Variants in FGD5 observed in about 807,000 individuals in gnomAD.
FGD5 encodes FYVE, RhoGEF and PH domain-containing protein 5.
Under a neutral mutation model 133.4 loss-of-function variants are expected in FGD5, and 28 were observed. The ratio of observed to expected loss-of-function variants is 0.21; its 90% CI spans 0.16 to 0.29. FGD5 has a LOEUF of 0.29. FGD5 is among the 10% of genes least tolerant of loss of function. The pLI is 1.00. For synonymous variants in FGD5, 810 were observed against 776.5 expected (o/e 1.04, Z -0.72); for missense variants, 1,858 against 1,895.2 (o/e 0.98, Z 0.36).
At chr3:14,858,478 G>C (rs1366531553) in intron 1 of FGD5, among the ~76,000 whole-genome samples, 2 of 152,096 alleles carry the variant, frequency 1.3e-5, no homozygotes, top group African/African-American at 4.8e-5. Flanking sequence ...TAGTATATTG[G>C]TATGCTCAAG....
At position 14,933,248 on chromosome 3, in the gene FGD5, C is replaced by T. The variant is rs1038240415; in HGVS notation, c.*81C>T. 6.7e-7 allele frequency: 1 copy of T among 1,487,744 alleles called. No individual in the cohort carries two copies. The highest frequency in any genetic ancestry group is 9.2e-7 in the Non-Finnish European group (1 of 1,081,364). 92.2% of individuals were successfully genotyped at this position (1,487,744 alleles called of 1,614,324 possible). A position where few individuals can be genotyped will look rare whatever the true frequency, so the allele number is the denominator to read the frequency against. Reference sequence around the variant, plus strand: ...TTAGAAGCTAAGCTGTGGCTCAACTCATCCGGACACACACCTGGATTCAGC... The same window carrying T: ...TTAGAAGCTAAGCTGTGGCTCAACTTATCCGGACACACACCTGGATTCAGC... On this transcript the variant is annotated 3_prime_UTR_variant, in exon 20 of 20. Coordinates refer to ENST00000285046, the MANE Select transcript of FGD5 (RefSeq NM_152536.4).
chr3:14,856,507 A>G (rs1437285121), intron 1 of FGD5, among the ~76,000 whole-genome samples: 1 of 152,188 alleles, frequency 6.6e-6, no homozygotes, highest in Non-Finnish European at 1.5e-5. Context: ...ATCCATGAGC[A>G]TGGAATGTCT....
At chr3:14,812,018 G>A (rs930129810) in intron 1 of FGD5, among the ~76,000 whole-genome samples, 1 of 97,164 alleles carries the variant, frequency 1.0e-5, no homozygotes, top group Non-Finnish European at 2.2e-5. Flanking sequence ...GTGTGTGTGT[G>A]TGTGTGTGTG....
At chr3:14,871,427 G>C (rs1315565654) in intron 2 of FGD5, among the ~76,000 whole-genome samples, 1 of 152,196 alleles carries the variant, frequency 6.6e-6, no homozygotes, top group African/African-American at 2.4e-5. Flanking sequence ...CACTTGTTTG[G>C]CTCTGTGTAA....
chr3:14,885,314 G>C (rs777290234), intron 4 of FGD5, among the ~76,000 whole-genome samples: 31 of 151,892 alleles, frequency 2.0e-4, no homozygotes, highest in Non-Finnish European at 4.4e-4. Context: ...GGTGGAAGAA[G>C]GGGTCAGCTG....
chr3:14,813,204 A>T (rs1230520323), intron 1 of FGD5, among the ~76,000 whole-genome samples: 8 of 152,186 alleles, frequency 5.3e-5, no homozygotes, highest in African/African-American at 1.7e-4. Flanking sequence ...GGGGTATTTC[A>T]TCATTTTACC....
In FGD5 at chr3:14,895,016, A is replaced by G. The variant is rs1358818116; in HGVS notation, c.2749-2493A>G. On this transcript the variant is annotated intron_variant, in intron 4 of 19. Transcript: ENST00000285046. The stretch of plus-strand genomic sequence containing the variant: ...ATTTGTATGTCTTCTTTAGAGAAAT[A>G]TCTGTTTAGATCTTTTGCCCATTTT... Among the ~76,000 whole-genome samples, 3 of 152,162 alleles carry G rather than the reference A, an allele frequency of 2.0e-5. No individual in the cohort carries two copies. The East Asian group carries it at 5.8e-4, about 29-fold the overall frequency.
chr3:14,890,086 C>T (rs2037997797), intron 4 of FGD5, among the ~76,000 whole-genome samples: 1 of 152,130 alleles, frequency 6.6e-6, no homozygotes, highest in South Asian at 2.1e-4. Context: ...CTCAGCGTTA[C>T]ACGATCATTG....
At chr3:14,923,540 C>T (rs563089338) in intron 16 of FGD5, among the ~76,000 whole-genome samples, 1 of 152,092 alleles carries the variant, frequency 6.6e-6, no homozygotes, top group Admixed American at 6.5e-5. Context: ...AGCGTGGCAG[C>T]AGAGGAGCTG....
chr3:14,928,821 T>G (rs1173302730), intron 18 of FGD5, among the ~76,000 whole-genome samples: 2 of 152,238 alleles, frequency 1.3e-5, no homozygotes, highest in Non-Finnish European at 2.9e-5. Context: ...TTCCTACATT[T>G]CTTTTATCAA....
chr3:14,886,232 T>G (rs1191622333), intron 4 of FGD5, among the ~76,000 whole-genome samples: 1 of 152,174 alleles, frequency 6.6e-6, no homozygotes, highest in Non-Finnish European at 1.5e-5. Flanking sequence ...AGGTCATGTC[T>G]CCCAGCTGGG....
intron 1 of FGD5, among the ~76,000 whole-genome samples, chr3:14,847,883 CCT>C (rs1277325744): frequency 6.6e-6 from 1 of 152,130 alleles, no homozygotes; most frequent in Non-Finnish European, 1.5e-5. Flanking sequence ...TGCCTCCCCT[CCT>C]CTCTGAGCCT....
At chr3:14,892,057 G>A (rs1412907114) in intron 4 of FGD5, among the ~76,000 whole-genome samples, 1 of 151,008 alleles carries the variant, frequency 6.6e-6, no homozygotes, top group Non-Finnish European at 1.5e-5. Context: ...ACCCCTCACT[G>A]TTCCCCTGCA....
At chr3:14,885,904 T>G (rs1384940474) in intron 4 of FGD5, among the ~76,000 whole-genome samples, 1 of 152,244 alleles carries the variant, frequency 6.6e-6, no homozygotes, top group Non-Finnish European at 1.5e-5. Flanking sequence ...GAGATTGTTG[T>G]GGGTGTTTTT....
chr3:14,831,675 A>G (rs1349205542), intron 1 of FGD5, among the ~76,000 whole-genome samples: 1 of 152,146 alleles, frequency 6.6e-6, no homozygotes, highest in Non-Finnish European at 1.5e-5. Context: ...TTGAATTTGG[A>G]TTTGTACCTC....
intron 10 of FGD5, among the ~76,000 whole-genome samples, chr3:14,910,202 C>T (rs774157671): frequency 6.6e-6 from 1 of 152,172 alleles, no homozygotes; most frequent in Non-Finnish European, 1.5e-5. Flanking sequence ...TAATACAGAG[C>T]ATGGTGAATT....
chr3:14,925,628 C>T (rs1047164084), intron 17 of FGD5, among the ~76,000 whole-genome samples: 2 of 152,144 alleles, frequency 1.3e-5, no homozygotes, highest in Non-Finnish European at 2.9e-5. Flanking sequence ...AAGGACTTAA[C>T]GCTGCACACA....
chr3:14,825,185 G>T (rs2036576948), intron 1 of FGD5, among the ~76,000 whole-genome samples: 1 of 152,216 alleles, frequency 6.6e-6, no homozygotes, highest in Non-Finnish European at 1.5e-5. Flanking sequence ...CTTCCTTTGA[G>T]ATTTGCATAG....
chr3:14,902,196 C>T (rs1304983432), intron 9 of FGD5, among the ~76,000 whole-genome samples: 4 of 151,244 alleles, frequency 2.6e-5, no homozygotes, highest in Middle Eastern at 3.2e-3. Context: ...GCTAGAGAAT[C>T]GCTTGAACCT....
Sources: allele counts gnomAD v4.1 joint callset (sites outside exome capture counted in the v4.1 genomes callset), GRCh38; gene constraint gnomAD v4.1.1; transcripts MANE v1.5; gene names NCBI Gene and HGNC (gene_info 2026-07-23, HGNC 2026-07-21).